The following ERBB4 variants were observed in gnomAD, a reference collection of about 807,000 sequenced individuals.
The protein encoded by ERBB4 is receptor tyrosine-protein kinase erbB-4.
In ERBB4, 42 loss-of-function variants were observed where a neutral mutation model predicts 158.0. The observed-to-expected ratio is 0.27, with a 90% confidence interval of 0.21 to 0.34. ERBB4 has a LOEUF of 0.34. Among genes scored for constraint, ERBB4 ranks in the 10% least tolerant of loss-of-function variants. The probability of loss-of-function intolerance (pLI) is 1.00; values close to 1 mark genes in which losing one functional copy is unlikely to be tolerated. For missense variants in ERBB4, 1,333 were observed against 1,624.1 expected, an observed-to-expected ratio of 0.82 and a Z score of 3.08; for synonymous variants, 583 against 558.7, an observed-to-expected ratio of 1.04 and a Z score of -0.61.
At chr2:211,889,904 G>C (rs1448950672) in intron 3 of ERBB4, among the ~76,000 whole-genome samples, 2 of 141,906 alleles carry the variant, frequency 1.4e-5, no homozygotes, top group East Asian at 4.1e-4. Context: ...ATGGGACTAT[G>C]TGAAAAGACC....
At chr2:211,747,665 T>A (rs900685143) in intron 5 of ERBB4, among the ~76,000 whole-genome samples, 3 of 152,014 alleles carry the variant, frequency 2.0e-5, no homozygotes, top group African/African-American at 7.2e-5. Flanking sequence ...ACTGTATAAA[T>A]TGAAGGAAAA....
intron 1 of ERBB4, among the ~76,000 whole-genome samples, chr2:212,204,253 C>T (rs912196201): frequency 6.6e-6 from 1 of 152,144 alleles, no homozygotes; most frequent in African/African-American, 2.4e-5. Context: ...GGAGATTGGC[C>T]TTTCAATGAG....
At chr2:211,766,615 A>G (rs559910117) in intron 4 of ERBB4, among the ~76,000 whole-genome samples, 49 of 152,352 alleles carry the variant, frequency 3.2e-4, no homozygotes, top group African/African-American at 1.1e-3. Flanking sequence ...ACTGAATTCT[A>G]TGAAACACTT....
intron 3 of ERBB4, among the ~76,000 whole-genome samples, chr2:211,866,211 C>A (rs7609351): frequency 0.82 from 124,160 of 152,020 alleles, 50,923 homozygotes; most frequent in Non-Finnish European, 0.86. Context: ...AGATCACGCC[C>A]CTGCAGTCCA....
chr2:211,844,468 C>T (rs2106011430), intron 3 of ERBB4, among the ~76,000 whole-genome samples: 1 of 152,108 alleles, frequency 6.6e-6, no homozygotes, highest in South Asian at 2.1e-4. Context: ...AATATCTGAC[C>T]CATGTCTCTT....
chr2:212,352,868 C>CA (rs1411869810), intron 1 of ERBB4, among the ~76,000 whole-genome samples: 2 of 150,644 alleles, frequency 1.3e-5, no homozygotes, highest in East Asian at 3.9e-4. Context: ...AACTCTGTCT[C>CA]AAAAAAATAA....
chr2:211,754,245 AGT>A (rs66926310), intron 4 of ERBB4, among the ~76,000 whole-genome samples: 47,336 of 151,592 alleles, frequency 0.31, 7,498 homozygotes, highest in South Asian at 0.44. Flanking sequence ...TTCTCCCCAG[AGT>A]GTGTTTTGTA....
chr2:211,432,666 C>G (rs1487971821), intron 20 of ERBB4, among the ~76,000 whole-genome samples: 1 of 151,466 alleles, frequency 6.6e-6, no homozygotes, highest in East Asian at 1.9e-4. Context: ...CATATCTTCC[C>G]AAGTAATACT....
intron 2 of ERBB4, among the ~76,000 whole-genome samples, chr2:212,021,495 T>A (rs2076648372): frequency 6.6e-6 from 1 of 152,180 alleles, no homozygotes; most frequent in Non-Finnish European, 1.5e-5. Context: ...TAACAAATGG[T>A]GCTGGGAGAA....
intron 20 of ERBB4, among the ~76,000 whole-genome samples, chr2:211,480,375 C>A (rs1247972778): frequency 6.6e-6 from 1 of 152,118 alleles, no homozygotes; most frequent in Non-Finnish European, 1.5e-5. Flanking sequence ...ATCATGGGTA[C>A]AAATTTCTCA....
chr2:211,404,623 T>C (rs1284583600), intron 25 of ERBB4, among the ~76,000 whole-genome samples: 2 of 142,342 alleles, frequency 1.4e-5, no homozygotes, highest in African/African-American at 3.1e-5. Flanking sequence ...TGTTAAAACA[T>C]TTTTTTTTAA....
chr2:212,286,802 A>ATTTT (rs2086001177), intron 1 of ERBB4, among the ~76,000 whole-genome samples: 2 of 10,710 alleles, frequency 1.9e-4, no homozygotes, highest in African/African-American at 5.4e-4. Context: ...TAGAGACGGG[A>ATTTT]TTTCCGCCAT....
chr2:211,830,677 A>ATT (rs2105969181), intron 3 of ERBB4, among the ~76,000 whole-genome samples: 1 of 152,236 alleles, frequency 6.6e-6, no homozygotes, highest in African/African-American at 2.4e-5. Flanking sequence ...TAATTTTCAT[A>ATT]TTTTTATCAA....
Position 211,947,567 on chromosome 2 carries a change from C to T in ERBB4, c.284G>A (p.Arg95His), listed in dbSNP as rs778048381. 33 of 1,613,580 alleles carry T rather than the reference C, an allele frequency of 2.0e-5. No homozygotes were observed. The highest frequency in any genetic ancestry group is 2.0e-4 in the East Asian group (9 of 44,826). Residue 95 changes from arginine (R) to histidine (H), a missense_variant, in exon 3 of 28, where the codon CGT (arginine) becomes CAT (histidine). Coordinates refer to ENST00000342788, the MANE Select transcript of ERBB4 (RefSeq NM_005235.3). ...GCGTAAATTCTCCAGAGGCAGGTAA[C>T]GAAACTGATTAAGAGCCACTAACAC... ...GYVLVALNQF[R>H]YLPLENLRII...
intron 2 of ERBB4, among the ~76,000 whole-genome samples, chr2:212,082,187 A>G (rs1364973549): frequency 6.6e-6 from 1 of 152,130 alleles, no homozygotes; most frequent in African/African-American, 2.4e-5. Flanking sequence ...GTAGAAAAAC[A>G]GTGTTTACTA....
intron 1 of ERBB4, among the ~76,000 whole-genome samples, chr2:212,284,572 T>C (rs574753845): frequency 6.6e-6 from 1 of 152,120 alleles, no homozygotes; most frequent in African/African-American, 2.4e-5. Flanking sequence ...CCATTTGTGG[T>C]GTACTTCAAA....
intron 2 of ERBB4, among the ~76,000 whole-genome samples, chr2:211,952,712 C>T (rs2080906922): frequency 6.6e-6 from 1 of 151,924 alleles, no homozygotes; most frequent in African/African-American, 2.4e-5. Flanking sequence ...GTTTCTTCAT[C>T]TTTAAGAAAG....
At position 212,043,600 on chromosome 2, in the gene ERBB4, T is replaced by C. The variant is rs371830733; in HGVS notation, c.234+81152A>G. ...ATTATTAATACATTGTAAATAAGGA[T>C]CTTATATTGATTTTCATTATATGCA... is the stretch of plus-strand genomic sequence containing the variant. On this transcript the variant is annotated intron_variant, in intron 2 of 27. Coordinates refer to ENST00000342788, the MANE Select transcript of ERBB4 (RefSeq NM_005235.3). Among the ~76,000 whole-genome samples the C allele has an allele frequency of 2.0e-5, 3 of 152,214 alleles. No homozygotes were observed. In the East Asian group the frequency reaches 5.8e-4, roughly 29 times the overall value.
At chr2:211,807,279 G>A (rs982465496) in intron 3 of ERBB4, among the ~76,000 whole-genome samples, 2 of 152,048 alleles carry the variant, frequency 1.3e-5, no homozygotes, top group Non-Finnish European at 2.9e-5. Context: ...TTCTCCTAAT[G>A]CTATCCCTTC....
Sources: gnomAD v4.1 joint callset for allele counts (sites outside exome capture counted in the v4.1 genomes callset) on GRCh38, gnomAD v4.1.1 for gene constraint, MANE v1.5 for transcripts, NCBI Gene and HGNC (gene_info 2026-07-23, HGNC 2026-07-21) for gene names.